SPEN: variants seen among roughly 807,000 people sequenced by gnomAD.
SPEN encodes msx2-interacting protein.
In SPEN, 18 loss-of-function variants were observed where a neutral mutation model predicts 269.9. That is an observed-to-expected ratio of 0.07 (90% CI 0.05 to 0.10). The LOEUF is 0.10. Ranked by LOEUF, SPEN falls within the 10% of genes least tolerant of loss-of-function variation. SPEN has a pLI of 1.00. For missense variants in SPEN, 3,822 were observed against 4,631.2 expected, an observed-to-expected ratio of 0.83 and a Z score of 5.07; for synonymous variants, 1,726 against 1,765.7, an observed-to-expected ratio of 0.98 and a Z score of 0.56.
At chr1:15,849,479 G>T (rs753982783) in intron 1 of SPEN, among the ~76,000 whole-genome samples, 1 of 152,364 alleles carries the variant, frequency 6.6e-6, no homozygotes, top group East Asian at 1.9e-4. Context: ...GCGTCTGCGC[G>T]TGTCCGCGTG....
chr1:15,934,693 G>C lies in SPEN; in HGVS notation c.8453G>C (p.Ser2818Thr). The C allele has an allele frequency of 6.2e-7, 1 of 1,614,204 alleles. No individual in the cohort carries two copies. The highest frequency in any genetic ancestry group is 8.5e-7 in the Non-Finnish European group (1 of 1,180,036). The change falls in exon 11 of 15, where the codon AGT (serine) becomes ACT (threonine). Residue 2818 changes from serine to threonine, a missense_variant. Coordinates refer to ENST00000375759, the MANE Select transcript of SPEN (RefSeq NM_015001.3). This position sits in a 1 kb window ranked among gnomAD's most constrained non-coding sequence, Gnocchi z 9.2. ...ACTTCTGAAGGGGTTGTGCTCCTGAGTTACTCAGGGCAGAAGACCGAAGGC... is the reference window on the plus strand; with the variant it reads ...ACTTCTGAAGGGGTTGTGCTCCTGACTTACTCAGGGCAGAAGACCGAAGGC... ...VNTSEGVVLL[S>T]YSGQKTEGPQ...
At chr1:15,922,777 C>T (rs945671028) in intron 10 of SPEN, among the ~76,000 whole-genome samples, 2 of 152,114 alleles carry the variant, frequency 1.3e-5, no homozygotes, top group African/African-American at 4.8e-5. Flanking sequence ...CACTTGCCAC[C>T]ACGCTGGAGT....
chr1:15,916,183 C>T lies in SPEN; in HGVS notation c.1299C>T (p.His433=), dbSNP rs765674151. ...TGGATGAAAGGATAGATGAATTTCACCCCAAAGCAACAAGAACTCTCTTTA... is the reference window on the plus strand; with the variant it reads ...TGGATGAAAGGATAGATGAATTTCATCCCAAAGCAACAAGAACTCTCTTTA... ...RPLDERIDEF[H]PKATRTLFIG... is the part of the protein sequence containing the mutation. Residue 433 remains histidine, a synonymous_variant, in exon 6 of 15, where the codon CAC becomes CAT. Transcript: ENST00000375759. 2.5e-6 allele frequency: 4 copies of T among 1,613,560 alleles called. No individual in the cohort carries two copies. The highest frequency in any genetic ancestry group is 3.4e-6 in the Non-Finnish European group (4 of 1,179,812).
chr1:15,847,853 G>C lies in SPEN; in HGVS notation c.-215G>C, dbSNP rs1432683387. On this transcript the variant is annotated 5_prime_UTR_variant, in exon 1 of 15. Coordinates refer to ENST00000375759, the MANE Select transcript of SPEN (RefSeq NM_015001.3). ...CGAGGGTCGGCTTCGGGTGTGTGGT[G>C]GCGGCAGAGCTGAGCTGCGAGGCCC... The C allele has an allele frequency of 1.9e-5, 5 of 264,690 alleles. No individual in the cohort carries two copies. The highest frequency in any genetic ancestry group is 3.6e-5 in the Non-Finnish European group (5 of 139,690). The allele number at this position is 264,690 out of a possible 1,614,324, so 16.4% of individuals were successfully genotyped here.
chr1:15,850,945 A>G (rs1477517255), intron 1 of SPEN, among the ~76,000 whole-genome samples: 2 of 152,196 alleles, frequency 1.3e-5, no homozygotes, highest in South Asian at 2.1e-4. Context: ...TAAGAGGTGT[A>G]CACTGGGAAT....
At chr1:15,900,147 G>A (rs188834963) in intron 3 of SPEN, among the ~76,000 whole-genome samples, 2 of 152,278 alleles carry the variant, frequency 1.3e-5, no homozygotes, top group Admixed American at 1.3e-4. Flanking sequence ...CCACTGGCCT[G>A]TAGTGTGCTT....
intron 11 of SPEN, among the ~76,000 whole-genome samples, chr1:15,936,638 G>A (rs1335667587): frequency 1.1e-4 from 8 of 73,674 alleles, no homozygotes; most frequent in African/African-American, 3.2e-4. Flanking sequence ...GCGAGACCCA[G>A]TCTCAAAAAA....
chr1:15,897,155 C>T (rs2070849906), intron 3 of SPEN, among the ~76,000 whole-genome samples: 1 of 152,024 alleles, frequency 6.6e-6, no homozygotes, highest in Non-Finnish European at 1.5e-5. Context: ...TCTGATAGAC[C>T]AAACAAAGTT....
Position 15,932,486 on chromosome 1 carries a change from C to T in SPEN, c.6246C>T (p.Asn2082=). ...AATCAAAGAGAGGAAGATCTCGAAA[C>T]TCCAGGTTAGCAGTGGACAAATCTG... is the stretch of plus-strand genomic sequence containing the variant. The part of the protein sequence containing the change: ...NSKSKRGRSR[N]SRLAVDKSAS... The change falls in exon 11 of 15, where the codon AAC becomes AAT. Residue 2082 remains asparagine, a synonymous_variant. Transcript: ENST00000375759. This position sits in a 1 kb window ranked among gnomAD's most constrained non-coding sequence, Gnocchi z 4.2. 6.2e-7 allele frequency: 1 copy of T among 1,611,080 alleles called. No individual in the cohort carries two copies. The highest frequency in any genetic ancestry group is 8.5e-7 in the Non-Finnish European group (1 of 1,178,838).
At chr1:15,919,666 A>T in intron 8 of SPEN, 149 bp downstream of exon 8, 1 of 489,982 alleles carries the variant, frequency 2.0e-6, no homozygotes, top group East Asian at 3.2e-5. Context: ...CAATAAGGGC[A>T]TTTGCATCTG....
At chr1:15,893,069 GC>G in intron 3 of SPEN, among the ~76,000 whole-genome samples, 1 of 152,306 alleles carries the variant, frequency 6.6e-6, no homozygotes, top group South Asian at 2.1e-4. Context: ...TTGCACTCCA[GC>G]CTGGGCAACA....
intron 1 of SPEN, among the ~76,000 whole-genome samples, chr1:15,857,446 T>C (rs890406742): frequency 6.6e-6 from 1 of 152,020 alleles, no homozygotes; most frequent in Non-Finnish European, 1.5e-5. Context: ...AACCTCTGCC[T>C]CCCGGGTTCA....
rs768625160 is a variant in SPEN at position 15,934,388 on chromosome 1, C to A, written c.8148C>A (p.Gly2716=). 2.2e-5 allele frequency: 35 copies of A among 1,613,532 alleles called. No homozygotes were observed. The highest frequency in any genetic ancestry group is 2.6e-5 in the Non-Finnish European group (31 of 1,180,044). ...CCACTCCAGTGAACGCCACGGTGGG[C>A]ACAGTGAATGCCGCCCCAGGCACAG... is the stretch of plus-strand genomic sequence containing the variant. ...VLTTPVNATV[G]TVNAAPGTVN... is the part of the protein sequence containing the mutation. Residue 2716 remains glycine, a synonymous_variant, in exon 11 of 15, where the codon GGC becomes GGA. Coordinates refer to ENST00000375759, the MANE Select transcript of SPEN (RefSeq NM_015001.3). The surrounding 1 kb of genome is among the most constrained non-coding windows in gnomAD (Gnocchi z 9.2).
chr1:15,921,851 A>G (rs1375995435), intron 9 of SPEN, among the ~76,000 whole-genome samples: 1 of 152,250 alleles, frequency 6.6e-6, no homozygotes, highest in Admixed American at 6.5e-5. Flanking sequence ...TGAGCATCAT[A>G]TGCTTTAGTA....
chr1:15,876,805 G>T lies in SPEN; in HGVS notation c.881+127G>T, dbSNP rs908679003. ...CTTGGATCATATATGTATGTAATCAGTAAAGAAACTGGCATGTGGCCATTG... is the reference window on the plus strand; with the variant it reads ...CTTGGATCATATATGTATGTAATCATTAAAGAAACTGGCATGTGGCCATTG... On this transcript the variant is annotated intron_variant, in intron 3 of 14. Transcript: ENST00000375759. 7 of 766,980 alleles carry T rather than the reference G, an allele frequency of 9.1e-6. No individual in the cohort carries two copies. The East Asian group carries it at 1.8e-4, about 19-fold the overall frequency. 47.5% of individuals were successfully genotyped at this position (766,980 alleles called of 1,614,324 possible). A position where few individuals can be genotyped will look rare whatever the true frequency, so the allele number is the denominator to read the frequency against.
At position 15,936,197 on chromosome 1, in the gene SPEN, G is replaced by T. The variant is rs1470390920; in HGVS notation, c.9957G>T (p.Gln3319His). The T allele has an allele frequency of 3.2e-6, 5 of 1,586,362 alleles. No individual in the cohort carries two copies. The South Asian group carries it at 4.5e-5, about 14-fold the overall frequency. ...TCCGCACCTACCACCCCCCGGCCCA[G>T]CTCACACACACTCAGTTTCCCGCCG... is the stretch of plus-strand genomic sequence containing the variant. ...GDIRTYHPPA[Q>H]LTHTQFPAAS... Residue 3319 changes from glutamine to histidine, a missense_variant, in exon 11 of 15, where the codon CAG becomes CAT. Around this residue, in one of 16 missense-constraint regions of SPEN, gnomAD observed 359 missense variants for 377.3 expected, o/e 0.95. Transcript: ENST00000375759.
In SPEN at chr1:15,937,594, C is replaced by T. The variant is rs1454315023; in HGVS notation, c.10458C>T (p.Ser3486=). The T allele has an allele frequency of 1.2e-6, 2 of 1,614,178 alleles. No individual in the cohort carries two copies. Among genetic ancestry groups the T allele is most frequent in the Non-Finnish European group, 1.7e-6 (2 of 1,180,008 alleles). The change falls in exon 12 of 15, where the codon TCC becomes TCT. Residue 3486 remains serine, a synonymous_variant. Transcript: ENST00000375759. This position sits in a 1 kb window ranked among gnomAD's most constrained non-coding sequence, Gnocchi z 5.7. ...TCCAGCCAGCCCCCAAACAAGATTC[C>T]TCTCCACACCTGACTTCCCAGAGAC... ...TEFQPAPKQD[S]SPHLTSQRPV...
rs1328527880 is a variant in SPEN at position 15,929,540 on chromosome 1, A to G, written c.3300A>G (p.Glu1100=). ...CAGGTGAATCTGTGGAAAATCAAGAAGTCCAATCAAAAAAGCCCATTCCCT... is the reference window on the plus strand; with the variant it reads ...CAGGTGAATCTGTGGAAAATCAAGAGGTCCAATCAAAAAAGCCCATTCCCT... ...ELAGESVENQ[E]VQSKKPIPSK... Residue 1100 remains glutamate, a synonymous_variant, in exon 11 of 15, where the codon GAA becomes GAG. Coordinates refer to ENST00000375759, the MANE Select transcript of SPEN (RefSeq NM_015001.3). The surrounding 1 kb of genome is among the most constrained non-coding windows in gnomAD (Gnocchi z 5.8). 1.2e-6 allele frequency: 2 copies of G among 1,613,824 alleles called. No homozygotes were observed. The highest frequency in any genetic ancestry group is 2.7e-5 in the African/African-American group (2 of 74,908).
chr1:15,873,668 A>G (rs904910), intron 2 of SPEN: 284,815 of 995,864 alleles, frequency 0.29, 42,379 homozygotes, highest in South Asian at 0.43. Flanking sequence ...ATACTTTAAC[A>G]TGGAAATGTG....
Sources: gnomAD v4.1 joint callset for allele counts (sites outside exome capture counted in the v4.1 genomes callset) on GRCh38, gnomAD v4.1.1 for gene constraint, gnomAD v4.1.1 regional missense constraint, Gnocchi (gnomAD v3.1) non-coding constraint, MANE v1.5 for transcripts, NCBI Gene and HGNC (gene_info 2026-07-23, HGNC 2026-07-21) for gene names.